The following SEC31B variants were observed in gnomAD, a reference collection of about 807,000 sequenced individuals.
SEC31B encodes SEC31 homolog B, COPII component.
Under a neutral mutation model 135.0 loss-of-function variants are expected in SEC31B, and 113 were observed. The ratio of observed to expected loss-of-function variants is 0.84; its 90% confidence interval spans 0.72 to 0.98. SEC31B has a LOEUF of 0.98. Among genes scored for constraint, SEC31B ranks in the 50% least tolerant of loss-of-function variants. The pLI is 0.00. For missense variants in SEC31B, 1,296 were observed against 1,421.1 expected (o/e 0.91, Z 1.42); for synonymous variants, 508 against 549.4 (o/e 0.92, Z 1.05).
rs777351820 is a variant in SEC31B, at chr10:100,502,420, C to A, written c.1244G>T (p.Cys415Phe). 1 of 1,614,104 alleles carries A rather than the reference C, an allele frequency of 6.2e-7. No homozygotes were observed. Residue 415 changes from cysteine (C) to phenylalanine (F), a missense_variant, in exon 11 of 26, where the codon TGC becomes TTC. Coordinates refer to ENST00000370345, the MANE Select transcript of SEC31B (RefSeq NM_015490.4). The part of the protein sequence containing the change: ...STPAHLVPQP[C>F]PRLVFISQVT... ...TTGACTGATGAAGACTAGGCGGGGGCAAGGCTGTGGCACCAGATGGGCAGG... is the reference window on the plus strand; with the variant it reads ...TTGACTGATGAAGACTAGGCGGGGGAAAGGCTGTGGCACCAGATGGGCAGG...
intron 10 of SEC31B, among the ~76,000 whole-genome samples, chr10:100,503,516 C>A (rs1851565675): frequency 1.3e-5 from 2 of 151,646 alleles, no homozygotes; most frequent in African/African-American, 4.9e-5. Context: ...TCACCGTAAC[C>A]TCCGCCTCCC....
chr10:100,518,300 T>G (rs1250137351), intron 1 of SEC31B, among the ~76,000 whole-genome samples: 1 of 152,252 alleles, frequency 6.6e-6, no homozygotes, highest in Non-Finnish European at 1.5e-5. Context: ...TTACAAATGC[T>G]GTTCCCTATA....
chr10:100,508,743 C>T, intron 5 of SEC31B: 1 of 527,766 alleles, frequency 1.9e-6, no homozygotes, highest in South Asian at 2.1e-5. Context: ...CTTGTGGTGT[C>T]TTTTGCTCTC....
Position 100,502,410 on chromosome 10 carries a change from T to G in SEC31B, c.1254A>C (p.Leu418=), listed in dbSNP as rs750968009. The G allele has an allele frequency of 1.9e-6, 3 of 1,614,046 alleles. No homozygotes were observed. The South Asian group carries it at 3.3e-5, about 18-fold the overall frequency. The change falls in exon 11 of 26, where the codon CTA becomes CTC. Residue 418 remains leucine (L), a synonymous_variant. Transcript: ENST00000370345. ...AHLVPQPCPR[L]VFISQVTTES... ...CTGTGGTGACTTGACTGATGAAGAC[T>G]AGGCGGGGGCAAGGCTGTGGCACCA... is the stretch of plus-strand genomic sequence containing the variant.
In SEC31B at chr10:100,502,315, C is replaced by G; in HGVS notation, c.1349G>C (p.Cys450Ser). 1 of 1,614,174 alleles carries G rather than the reference C, an allele frequency of 6.2e-7. No homozygotes were observed. The highest frequency in any genetic ancestry group is 1.6e-4 in the Middle Eastern group (1 of 6,062). Reference sequence around the variant, plus strand: ...TAAAGCTTGCTGGCTCTTGTTCTGACAGTAATTCAGTAGATTTCCTGATCC... The same window carrying G: ...TAAAGCTTGCTGGCTCTTGTTCTGAGAGTAATTCAGTAGATTTCCTGATCC... ...ALGSGNLLNY[C>S]QNKSQQALLQ... Residue 450 changes from cysteine to serine, a missense_variant, in exon 11 of 26, where the codon TGT becomes TCT. By Grantham distance (112) the Cys-to-Ser change is moderately radical. Transcript: ENST00000370345.
At position 100,509,334 on chromosome 10, in the gene SEC31B, G is replaced by C; in HGVS notation, c.381C>G (p.Leu127=). The C allele has an allele frequency of 1.2e-6, 2 of 1,613,634 alleles. No homozygotes were observed. Among genetic ancestry groups the C allele is most frequent in the Non-Finnish European group, 1.7e-6 (2 of 1,179,984 alleles). Residue 127 remains leucine, a synonymous_variant, in exon 4 of 26, where the codon CTC becomes CTG. Coordinates refer to ENST00000370345, the MANE Select transcript of SEC31B (RefSeq NM_015490.4). ...GTAGTACCTGGAAAGGATTCAAGTCGAGGGCTCTGACAGCCCCCGTGTGCT... is the reference window on the plus strand; with the variant it reads ...GTAGTACCTGGAAAGGATTCAAGTCCAGGGCTCTGACAGCCCCCGTGTGCT... ...KQKHTGAVRA[L]DLNPFQGNLL...
In SEC31B at chr10:100,487,598, C is replaced by A; in HGVS notation, c.*18G>T. ...TGTAACAGCAGAAGTGGCCTCCTAG[C>A]AAGAGAGGCTGCCTGGTTTAGACCA... On this transcript the variant is annotated 3_prime_UTR_variant, in exon 26 of 26. Coordinates refer to ENST00000370345, the MANE Select transcript of SEC31B (RefSeq NM_015490.4). 1.9e-6 allele frequency: 3 copies of A among 1,606,280 alleles called. No homozygotes were observed. The highest frequency in any genetic ancestry group is 2.6e-6 in the Non-Finnish European group (3 of 1,175,326).
chr10:100,497,755 C>G lies in SEC31B; in HGVS notation c.1902G>C (p.Val634=). ...AGTTCTTCAGGCTACAGGTACACACCACATCCTTCCAATTCTTTTGCACAA... is the reference window on the plus strand; with the variant it reads ...AGTTCTTCAGGCTACAGGTACACACGACATCCTTCCAATTCTTTTGCACAA... The part of the protein sequence containing the change: ...ACVVQKNWKD[V]VCTCSLKNWR... Residue 634 remains valine, a synonymous_variant, in exon 16 of 26, where the codon GTG becomes GTC. Coordinates refer to ENST00000370345, the MANE Select transcript of SEC31B (RefSeq NM_015490.4). 1.2e-6 allele frequency: 2 copies of G among 1,614,182 alleles called. No individual in the cohort carries two copies. Among genetic ancestry groups the G allele is most frequent in the Non-Finnish European group, 1.7e-6 (2 of 1,180,032 alleles).
At position 100,489,540 on chromosome 10, in the gene SEC31B, T is replaced by C. The variant is rs1026467303; in HGVS notation, c.3025-142A>G. 15 of 1,338,162 alleles carry C rather than the reference T, an allele frequency of 1.1e-5. No homozygotes were observed. The African/African-American group carries it at 2.1e-4, about 18-fold the overall frequency. The allele number at this position is 1,338,162 out of a possible 1,614,324, so 82.9% of individuals were successfully genotyped here. On this transcript the variant is annotated intron_variant, in intron 22 of 25. Transcript: ENST00000370345. ...GGAAGTGAGGAGACTGGTGTATGTG[T>C]GTAAGAGGGAAAGAGAAAGAAGAGG...
chr10:100,500,027 C>T (rs1372131184), intron 11 of SEC31B: 8 of 456,098 alleles, frequency 1.8e-5, no homozygotes, highest in Non-Finnish European at 3.5e-5. Context: ...TGCAGGGACT[C>T]CGGAAGCTAT....
At chr10:100,501,024 T>G in intron 11 of SEC31B, among the ~76,000 whole-genome samples, 1 of 148,816 alleles carries the variant, frequency 6.7e-6, no homozygotes, top group African/African-American at 2.5e-5. Context: ...CTGGCCAACA[T>G]GGTGAAACCC....
rs552877880 is a variant in SEC31B, at chr10:100,497,996, C to T, written c.1863+33G>A. 33 of 1,612,160 alleles carry T rather than the reference C, an allele frequency of 2.0e-5. No individual in the cohort carries two copies. The South Asian group carries it at 3.0e-4, about 15-fold the overall frequency. On this transcript the variant is annotated intron_variant, in intron 15 of 25. Coordinates refer to ENST00000370345, the MANE Select transcript of SEC31B (RefSeq NM_015490.4). ...CCACCTCACAAGGTCCAAGTAATCC[C>T]CTCCCTTCTTCTCCTGCATGATGGG...
At position 100,506,066 on chromosome 10, in the gene SEC31B, CT is replaced by C. The variant is rs1362965438; in HGVS notation, c.1017del (p.Val340SerfsTer4). ...SLYSVMGRSW[E>X]VQHMRQADKI... ...TTGTCAGCCTGTCTCATATGCTGGACTTCCCAGCTCCTACCCATCACAGAGT... is the reference window on the plus strand; with the variant it reads ...TTGTCAGCCTGTCTCATATGCTGGACTCCCAGCTCCTACCCATCACAGAGT... On this transcript the variant is annotated frameshift_variant, in exon 9 of 26. Transcript: ENST00000370345. LOFTEE classifies it high-confidence loss of function. 3 of 1,613,964 alleles carry C rather than the reference CT, an allele frequency of 1.9e-6. No individual in the cohort carries two copies. In the African/African-American group the frequency reaches 4.0e-5, roughly 22 times the overall value.
chr10:100,508,353 G>C (rs544402729), intron 5 of SEC31B: 1 of 530,302 alleles, frequency 1.9e-6, no homozygotes, highest in African/African-American at 1.9e-5. Flanking sequence ...AAAAGAGGGA[G>C]AGAAGGAGGA....
At chr10:100,488,716 G>A in intron 24 of SEC31B, 142 bp downstream of exon 24, 1 of 1,166,052 alleles carries the variant, frequency 8.6e-7, no homozygotes, top group Non-Finnish European at 1.2e-6. Flanking sequence ...AGCTCCACAT[G>A]GACGTCAATT....
At chr10:100,500,316 C>A (rs1236448569) in intron 11 of SEC31B, among the ~76,000 whole-genome samples, 2 of 151,658 alleles carry the variant, frequency 1.3e-5, no homozygotes, top group Non-Finnish European at 2.9e-5. Context: ...CTAAATGTTT[C>A]TTTTCTTTTT....
intron 12 of SEC31B, 75 bp downstream of exon 12, chr10:100,499,449 T>C: frequency 7.9e-7 from 1 of 1,268,578 alleles, no homozygotes; most frequent in Non-Finnish European, 1.1e-6. Context: ...AGAGGTATTC[T>C]GAGGTGGTTT....
intron 15 of SEC31B, 82 bp from the exon 16 acceptor site, chr10:100,497,875 G>C (rs913539894): frequency 1.6e-5 from 26 of 1,608,868 alleles, no homozygotes; most frequent in Non-Finnish European, 2.2e-5. Context: ...CCTCCTGTTA[G>C]AGCACTGAGT....
chr10:100,496,013 G>T (rs1382564240), intron 18 of SEC31B, among the ~76,000 whole-genome samples: 1 of 152,122 alleles, frequency 6.6e-6, no homozygotes, highest in Non-Finnish European at 1.5e-5. Context: ...AGCCTTCCTT[G>T]ACTTCTCCAG....
Sources: gnomAD v4.1 joint callset for allele counts (sites outside exome capture counted in the v4.1 genomes callset) on GRCh38, gnomAD v4.1.1 for gene constraint, MANE v1.5 for transcripts, NCBI Gene and HGNC (gene_info 2026-07-23, HGNC 2026-07-21) for gene names.